Variants in STX8 observed in about 807,000 individuals in gnomAD.
STX8 encodes the protein syntaxin-8.
In STX8, 23 loss-of-function variants were observed where a neutral mutation model predicts 37.5. The ratio of observed to expected loss-of-function variants is 0.61; its 90% CI spans 0.44 to 0.87. The LOEUF (loss-of-function observed/expected upper bound fraction) is 0.87. Ranked by LOEUF, STX8 falls within the 40% of genes least tolerant of loss-of-function variation. STX8 has a pLI of 0.00. For synonymous variants in STX8, 115 were observed against 99.1 expected, an observed-to-expected ratio of 1.16 and a Z score of -0.95; for missense variants, 313 against 284.7, an observed-to-expected ratio of 1.10 and a Z score of -0.71.
intron 7 of STX8, among the ~76,000 whole-genome samples, chr17:9,272,697 GA>G (rs1907512933): frequency 6.6e-6 from 1 of 152,216 alleles, no homozygotes; most frequent in Admixed American, 6.5e-5. Context: ...AATGTCTAAT[GA>G]TTAGTTCCTT....
At chr17:9,559,749 TATA>T (rs1567610117) in intron 2 of STX8, among the ~76,000 whole-genome samples, 1 of 47,658 alleles carries the variant, frequency 2.1e-5, no homozygotes, top group Non-Finnish European at 3.4e-5. Flanking sequence ...TATATATATA[TATA>T]TATATATATT....
Position 9,496,079 on chromosome 17 carries a change from T to C in STX8, c.449-4158A>G, listed in dbSNP as rs367743015. Among the ~76,000 whole-genome samples the C allele has an allele frequency of 5.8e-3, 590 of 102,104 alleles. 7 individuals carry two copies. The highest frequency in any genetic ancestry group is 0.018 in the African/African-American group (484 of 26,622). The allele number at this position is 102,104 out of a possible 152,430, so 67.0% of individuals were successfully genotyped here. The stretch of plus-strand genomic sequence containing the variant: ...ATGCAGTTTCTTTTTCTTTCTCTTT[T>C]TTTTTTTTTTTTTGAGACAGAGTTT... On this transcript the variant is annotated intron_variant, in intron 5 of 7. Coordinates refer to ENST00000306357, the MANE Select transcript of STX8 (RefSeq NM_004853.3).
At chr17:9,304,507 C>CAAAAAAAAAAA (rs35673905) in intron 7 of STX8, among the ~76,000 whole-genome samples, 129 of 56,258 alleles carry the variant, frequency 2.3e-3, no homozygotes, top group East Asian at 5.3e-3. Flanking sequence ...GAAACTGTCT[C>CAAAAAAAAAAA]AAAAAAAAAA....
intron 7 of STX8, among the ~76,000 whole-genome samples, chr17:9,257,725 T>C (rs1464131945): frequency 6.6e-6 from 1 of 152,240 alleles, no homozygotes; most frequent in Admixed American, 6.5e-5. Flanking sequence ...TGGTGACTTA[T>C]GCCTGTAACC....
intron 6 of STX8, among the ~76,000 whole-genome samples, chr17:9,472,567 G>T (rs1905916409): frequency 6.6e-6 from 1 of 152,252 alleles, no homozygotes; most frequent in Admixed American, 6.5e-5. Flanking sequence ...CCTGCTCTTT[G>T]CATCTGTGAT....
intron 6 of STX8, among the ~76,000 whole-genome samples, chr17:9,395,967 C>A (rs373835074): frequency 1.6e-4 from 24 of 152,122 alleles, no homozygotes; most frequent in African/African-American, 5.6e-4. Flanking sequence ...ATTACTTAGG[C>A]GTTAAACAAC....
At chr17:9,258,285 T>G (rs1429179143) in intron 7 of STX8, among the ~76,000 whole-genome samples, 2 of 152,242 alleles carry the variant, frequency 1.3e-5, no homozygotes, top group Non-Finnish European at 2.9e-5. Context: ...ACTGGAATAT[T>G]TATCTTCAAA....
intron 4 of STX8, among the ~76,000 whole-genome samples, chr17:9,520,895 C>G (rs1905316605): frequency 6.6e-6 from 1 of 152,078 alleles, no homozygotes; most frequent in Non-Finnish European, 1.5e-5. Context: ...GAAAAAATAT[C>G]AGTGTTTGGG....
At chr17:9,310,706 A>G (rs1278741449) in intron 7 of STX8, among the ~76,000 whole-genome samples, 1 of 152,088 alleles carries the variant, frequency 6.6e-6, no homozygotes, top group Non-Finnish European at 1.5e-5. Flanking sequence ...TAGTAAGGCT[A>G]TTCCAATTTT....
At position 9,268,485 on chromosome 17, in the gene STX8, A is replaced by G. The variant is rs990883540; in HGVS notation, c.644-17840T>C. Among the ~76,000 whole-genome samples the G allele has an allele frequency of 7.2e-5, 11 of 152,204 alleles. No homozygotes were observed. In the East Asian group the frequency reaches 1.2e-3, roughly 16 times the overall value. ...AGGAGTATTCACACTCTGCAGTGCAAGAGCCTGTCCTTCATCTTGGGGGAT... is the reference window on the plus strand; with the variant it reads ...AGGAGTATTCACACTCTGCAGTGCAGGAGCCTGTCCTTCATCTTGGGGGAT... On this transcript the variant is annotated intron_variant, in intron 7 of 7. Transcript: ENST00000306357.
At chr17:9,257,933 G>A (rs752235504) in intron 7 of STX8, among the ~76,000 whole-genome samples, 9 of 152,252 alleles carry the variant, frequency 5.9e-5, no homozygotes, top group Non-Finnish European at 1.3e-4. Context: ...AGGTTGCGGT[G>A]AGCTGAGATT....
Position 9,559,766 on chromosome 17 carries a change from T to A in STX8, c.118-2238A>T, listed in dbSNP as rs1473886073. ...TATATATATATATATATATATTTTT[T>A]TTTTTTTTTTTTTTGAGACAGAGTC... On this transcript the variant is annotated intron_variant, in intron 2 of 7. Coordinates refer to ENST00000306357, the MANE Select transcript of STX8 (RefSeq NM_004853.3). 8.4e-5 allele frequency among the ~76,000 whole-genome samples: 5 copies of A among 59,740 alleles called. 1 individual carries two copies. The highest frequency in any genetic ancestry group is 3.8e-4 in the Admixed American group (2 of 5,308). 39.2% of individuals were successfully genotyped at this position (59,740 alleles called of 152,430 possible). A position where few individuals can be genotyped will look rare whatever the true frequency, so the allele number is the denominator to read the frequency against.
At chr17:9,306,180 G>A (rs1403007968) in intron 7 of STX8, among the ~76,000 whole-genome samples, 1 of 152,146 alleles carries the variant, frequency 6.6e-6, no homozygotes, top group Non-Finnish European at 1.5e-5. Context: ...GAGCCAAGGA[G>A]CAACAGGCCA....
intron 7 of STX8, among the ~76,000 whole-genome samples, chr17:9,365,476 T>C (rs1196904282): frequency 6.6e-6 from 1 of 152,144 alleles, no homozygotes; most frequent in African/African-American, 2.4e-5. Flanking sequence ...CATGTAGACA[T>C]GGAAAAGGTG....
chr17:9,569,684 A>T (rs1907605680), intron 1 of STX8: 1 of 152,196 alleles, frequency 6.6e-6, no homozygotes, highest in South Asian at 2.1e-4. Flanking sequence ...GCGGTGGCTC[A>T]CGCTTGTAAT....
At chr17:9,417,874 T>C (rs921306993) in intron 6 of STX8, among the ~76,000 whole-genome samples, 1 of 152,216 alleles carries the variant, frequency 6.6e-6, no homozygotes, top group Non-Finnish European at 1.5e-5. Context: ...GGGGGTTGCA[T>C]GCTCACTCCA....
chr17:9,572,630 G>A (rs1352495164), intron 1 of STX8, among the ~76,000 whole-genome samples: 6 of 151,938 alleles, frequency 3.9e-5, no homozygotes, highest in African/African-American at 1.2e-4. Context: ...GGCTGGTCTC[G>A]AACTCCTGAC....
intron 7 of STX8, among the ~76,000 whole-genome samples, chr17:9,333,839 C>T (rs2142221281): frequency 6.6e-6 from 1 of 152,256 alleles, no homozygotes; most frequent in South Asian, 2.1e-4. Context: ...TCAATGGGTT[C>T]ACCTTACCCA....
At chr17:9,368,421 A>G (rs1040590743) in intron 7 of STX8, among the ~76,000 whole-genome samples, 2 of 152,096 alleles carry the variant, frequency 1.3e-5, no homozygotes, top group African/African-American at 4.8e-5. Context: ...GGAGAATGGC[A>G]TGAACCCAGG....
Sources: allele counts gnomAD v4.1 joint callset (sites outside exome capture counted in the v4.1 genomes callset), GRCh38; gene constraint gnomAD v4.1.1; transcripts MANE v1.5; gene names NCBI Gene and HGNC (gene_info 2026-07-23, HGNC 2026-07-21).